Variants in BCAR3 observed in about 807,000 individuals in gnomAD.
BCAR3 encodes breast cancer anti-estrogen resistance protein 3.
BCAR3 carries 37 observed loss-of-function variants against 80.1 expected under a neutral mutation model. The observed-to-expected ratio is 0.46, with a 90% CI of 0.36 to 0.61. The LOEUF (loss-of-function observed/expected upper bound fraction) is 0.61, where lower values mean the gene tolerates loss of function less well. Ranked by LOEUF, BCAR3 falls within the 20% of genes least tolerant of loss-of-function variation. The probability of loss-of-function intolerance (pLI) is 0.00; values close to 1 mark genes in which losing one functional copy is unlikely to be tolerated. For missense variants in BCAR3, 978 were observed against 1,068.2 expected (o/e 0.92, Z 1.18); for synonymous variants, 389 against 418.9 (o/e 0.93, Z 0.87).
intron 2 of BCAR3, among the ~76,000 whole-genome samples, chr1:93,660,694 C>T (rs1034281374): frequency 6.6e-6 from 1 of 152,218 alleles, no homozygotes; most frequent in Admixed American, 6.5e-5. Context: ...AATTTAAAAG[C>T]AATGTAGCTA....
At chr1:93,643,239 A>AAG (rs571278243) in intron 2 of BCAR3, among the ~76,000 whole-genome samples, 9 of 149,372 alleles carry the variant, frequency 6.0e-5, no homozygotes, top group Non-Finnish European at 1.2e-4. Flanking sequence ...AAAAAAAAAA[A>AAG]GAGGCCAGGC....
intron 2 of BCAR3, among the ~76,000 whole-genome samples, chr1:93,709,946 A>G (rs1649962453): frequency 6.6e-6 from 1 of 152,206 alleles, no homozygotes; most frequent in South Asian, 2.1e-4. Context: ...TAATCAATTC[A>G]TGAAATGAAT....
rs1159165245 is a variant in BCAR3 at position 93,681,603 on chromosome 1, G to T, written c.-17C>A. On this transcript the variant is annotated 5_prime_UTR_variant, in exon 1 of 12. Transcript: ENST00000260502. ...GGCGCGCGGCGGAGACTCACCTCCC[G>T]GCGCGGCGCTGGGCGCTCGGGCTCT... 6.6e-6 allele frequency: 1 copy of T among 151,964 alleles called. No individual in the cohort carries two copies. The highest frequency in any genetic ancestry group is 6.5e-5 in the Admixed American group (1 of 15,272). The allele number at this position is 151,964 out of a possible 1,614,324, so 9.4% of individuals were successfully genotyped here.
intron 2 of BCAR3, among the ~76,000 whole-genome samples, chr1:93,659,258 C>A (rs1265925387): frequency 6.6e-6 from 1 of 152,214 alleles, no homozygotes; most frequent in Non-Finnish European, 1.5e-5. Flanking sequence ...TGGTTCACTG[C>A]AGCCTCGACC....
intron 3 of BCAR3, among the ~76,000 whole-genome samples, chr1:93,700,205 T>C (rs1194572288): frequency 6.6e-6 from 1 of 152,210 alleles, no homozygotes; most frequent in African/African-American, 2.4e-5. Context: ...TCTTTTTTTT[T>C]CTTTTGAGAC....
chr1:93,620,741 C>T (rs987041960), intron 3 of BCAR3, among the ~76,000 whole-genome samples: 1 of 152,148 alleles, frequency 6.6e-6, no homozygotes, highest in African/African-American at 2.4e-5. Flanking sequence ...TCTCACATGC[C>T]GACTCCTTCA....
intron 2 of BCAR3, among the ~76,000 whole-genome samples, chr1:93,745,104 C>A (rs1020860381): frequency 2.1e-4 from 32 of 152,238 alleles, no homozygotes; most frequent in Non-Finnish European, 1.5e-5. Flanking sequence ...TTCCCACAGA[C>A]AAACAGACTC....
chr1:93,665,407 A>G (rs1647855227), intron 2 of BCAR3, among the ~76,000 whole-genome samples: 1 of 152,158 alleles, frequency 6.6e-6, no homozygotes, highest in Non-Finnish European at 1.5e-5. Flanking sequence ...CAAAAAAAAA[A>G]AAATCTTCTT....
chr1:93,601,618 C>T (rs1055029323), intron 3 of BCAR3, among the ~76,000 whole-genome samples: 2 of 152,216 alleles, frequency 1.3e-5, no homozygotes, highest in African/African-American at 4.8e-5. Context: ...ACTAAGAGGT[C>T]CTTGTATGTA....
At chr1:93,607,165 T>A (rs1172450309) in intron 3 of BCAR3, among the ~76,000 whole-genome samples, 1 of 152,100 alleles carries the variant, frequency 6.6e-6, no homozygotes, top group Non-Finnish European at 1.5e-5. Flanking sequence ...ATTATTTGGG[T>A]GGTGAGTACA....
At chr1:93,812,208 C>T (rs189699801) in intron 2 of BCAR3, among the ~76,000 whole-genome samples, 1 of 152,286 alleles carries the variant, frequency 6.6e-6, no homozygotes, top group African/African-American at 2.4e-5. Flanking sequence ...TGTAATTCTA[C>T]TTCCCACTTA....
intron 2 of BCAR3, among the ~76,000 whole-genome samples, chr1:93,663,879 C>T (rs1647775697): frequency 6.6e-6 from 1 of 152,188 alleles, no homozygotes; most frequent in African/African-American, 2.4e-5. Flanking sequence ...GGCCACATAC[C>T]TCTTCCTCCT....
At chr1:93,753,010 G>T (rs1405369851) in intron 2 of BCAR3, 1 of 152,130 alleles carries the variant, frequency 6.6e-6, no homozygotes, top group Non-Finnish European at 1.5e-5. Flanking sequence ...ATCATGTGAC[G>T]CACAGTGCTA....
rs1156353874 is a variant in BCAR3 at position 93,824,509 on chromosome 1, C to G, written c.-63+21058G>C. Among the ~76,000 whole-genome samples, 30 of 133,110 alleles carry G rather than the reference C, an allele frequency of 2.3e-4. 7 individuals are homozygous for G. In the Admixed American group the frequency reaches 2.3e-3, roughly 10 times the overall value. 87.3% of individuals were successfully genotyped at this position (133,110 alleles called of 152,430 possible). A position where few individuals can be genotyped will look rare whatever the true frequency, so the allele number is the denominator to read the frequency against. ...AGGCTGGGCTCCTCCAACACACAGA[C>G]TACAGGCCTCCGGTGACAACTCTCA... On this transcript the variant is annotated intron_variant, in intron 2 of 13. Coordinates refer to the BCAR3 transcript ENST00000370244.
chr1:93,643,686 T>C (rs112746034), intron 2 of BCAR3, among the ~76,000 whole-genome samples: 186 of 149,878 alleles, frequency 1.2e-3, no homozygotes, highest in African/African-American at 4.2e-3. Flanking sequence ...AGCAGATACG[T>C]AGGATGAACA....
chr1:93,632,230 G>A (rs576118603), intron 3 of BCAR3, among the ~76,000 whole-genome samples: 2 of 152,302 alleles, frequency 1.3e-5, no homozygotes, highest in South Asian at 4.1e-4. Flanking sequence ...TATTGGGAAG[G>A]CAAAACAGAA....
chr1:93,675,579 A>G (rs2101948360), intron 1 of BCAR3, among the ~76,000 whole-genome samples: 1 of 152,290 alleles, frequency 6.6e-6, no homozygotes, highest in African/African-American at 2.4e-5. Context: ...TGGGGGCTGC[A>G]TGTACATGGC....
intron 2 of BCAR3, among the ~76,000 whole-genome samples, chr1:93,713,269 G>A (rs1370173198): frequency 6.6e-6 from 1 of 152,204 alleles, no homozygotes; most frequent in Non-Finnish European, 1.5e-5. Context: ...AGTGGCAGGA[G>A]GTAGTGAAAG....
chr1:93,640,792 T>C (rs1359674112), intron 3 of BCAR3, among the ~76,000 whole-genome samples: 1 of 152,254 alleles, frequency 6.6e-6, no homozygotes, highest in Admixed American at 6.5e-5. Context: ...TTTAGACTTT[T>C]GTAAAAGAAA....
Sources: gnomAD v4.1 joint callset for allele counts (sites outside exome capture counted in the v4.1 genomes callset) on GRCh38, gnomAD v4.1.1 for gene constraint, MANE v1.5 for transcripts, NCBI Gene and HGNC (gene_info 2026-07-23, HGNC 2026-07-21) for gene names.